The following MAGEA11 variants were observed in gnomAD, a reference collection of about 807,000 sequenced individuals.
The protein encoded by MAGEA11 is MAGE family member A11, also known as melanoma-associated antigen 11.
MAGEA11 carries 1 observed loss-of-function variant against 8.4 expected under a neutral mutation model. The ratio of observed to expected loss-of-function variants is 0.12; its 90% CI spans 0.04 to 0.57. The LOEUF (loss-of-function observed/expected upper bound fraction) is 0.57, where lower values mean the gene tolerates loss of function less well. Ranked by LOEUF, MAGEA11 falls within the 20% of genes least tolerant of loss-of-function variation. The pLI is 0.91. For synonymous variants in MAGEA11, 127 were observed against 119.3 expected, an observed-to-expected ratio of 1.06 and a Z score of -0.42; for missense variants, 209 against 317.3, an observed-to-expected ratio of 0.66 and a Z score of 2.59.
upstream of MAGEA11, among the ~76,000 whole-genome samples, chrX:149,709,894 G>A (rs1474006804): frequency 8.9e-6 from 1 of 111,813 alleles, no homozygotes; most frequent in Non-Finnish European, 1.9e-5. Context: ...TTCATGTCAG[G>A]CACAGGTCAT....
At chrX:149,712,010 C>T, upstream of MAGEA11, 10 of 751,424 alleles carry the variant, frequency 1.3e-5, no homozygotes, top group South Asian at 5.4e-4. Context: ...GGGTTCGCTC[C>T]TGCTGTAAAT....
At chrX:149,711,781 C>T (rs1360197943), upstream of MAGEA11, 1 of 749,048 alleles carries the variant, frequency 1.3e-6, no homozygotes, top group Non-Finnish European at 1.6e-6. Flanking sequence ...GAGTCAGAGA[C>T]TTGGTCCGAG....
At chrX:149,706,253 G>T (rs1273592661) in intron 1 of MAGEA11, among the ~76,000 whole-genome samples, 1 of 111,784 alleles carries the variant, frequency 8.9e-6, no homozygotes, top group African/African-American at 3.3e-5. Flanking sequence ...AGGATATTCT[G>T]GGACCTGGAG....
chrX:149,713,031 G>T lies in MAGEA11; in HGVS notation c.-17-112G>T, dbSNP rs782303239. The stretch of plus-strand genomic sequence containing the variant: ...CTAGGGGGAGCACAGACAGGGCTCA[G>T]TCCCTGCTGGGAGGTGAGCAAGGCC... On this transcript the variant is annotated intron_variant, in intron 1 of 4. Transcript: ENST00000355220. 1.5e-4 allele frequency: 74 copies of T among 488,818 alleles called. No individual in the cohort carries two copies. The East Asian group carries it at 2.8e-3, about 18-fold the overall frequency. The allele number at this position is 488,818 out of a possible 1,213,427, so 40.3% of individuals were successfully genotyped here.
In MAGEA11 at chrX:149,712,175, G is replaced by A. The variant is rs2090404715; in HGVS notation, c.-18+13G>A. On this transcript the variant is annotated intron_variant, in intron 1 of 4. Transcript: ENST00000355220. The stretch of plus-strand genomic sequence containing the variant: ...ATGAGGAGGCAAGGTGAGAGCTGAG[G>A]GAGGACTGAGGAGTCCTCCTACCCA... 1.3e-6 allele frequency: 1 copy of A among 742,385 alleles called. No homozygotes were observed. The highest frequency in any genetic ancestry group is 2.4e-5 in the African/African-American group (1 of 42,180). The allele number at this position is 742,385 out of a possible 1,213,427, so 61.2% of individuals were successfully genotyped here. A position where few individuals can be genotyped will look rare whatever the true frequency, so the allele number is the denominator to read the frequency against.
In MAGEA11 at chrX:149,690,614, A is replaced by G. The variant is rs190438160; in HGVS notation, c.9+1630A>G. 2.7e-5 allele frequency among the ~76,000 whole-genome samples: 3 copies of G among 112,846 alleles called. No individual in the cohort carries two copies. The East Asian group carries it at 8.3e-4, about 31-fold the overall frequency. On this transcript the variant is annotated intron_variant, in intron 1 of 3. Coordinates refer to the MAGEA11 transcript ENST00000333104. ...TTACATATGTTGTAAGCCACATCAT[A>G]CATTGCTATTTTTAACTTAATACCT...
intron 1 of MAGEA11, among the ~76,000 whole-genome samples, chrX:149,691,837 T>C (rs1280492087): frequency 8.9e-6 from 1 of 112,920 alleles, no homozygotes; most frequent in Non-Finnish European, 1.9e-5. Context: ...GGCAGTAAGC[T>C]AAGGAAATTT....
chrX:149,712,970 T>G (rs2090409089), intron 1 of MAGEA11, among the ~76,000 whole-genome samples, 173 bp from the exon 2 acceptor site: 1 of 111,964 alleles, frequency 8.9e-6, no homozygotes, highest in African/African-American at 3.3e-5. Flanking sequence ...CATCCTGGGC[T>G]GACAGAGGGA....
Position 149,716,981 on chromosome X carries a change from G to A in MAGEA11, c.*205G>A, listed in dbSNP as rs145852937. ...ACTGCCTTTAGGTTTCTCTTCCATC[G>A]GGTGACTTGGAGATTTCTTTTTGTT... On this transcript the variant is annotated 3_prime_UTR_variant, in exon 5 of 5. Transcript: ENST00000355220. 9.1e-5 allele frequency: 32 copies of A among 349,811 alleles called. No homozygotes were observed. Among genetic ancestry groups the A allele is most frequent in the African/African-American group, 4.7e-4 (18 of 38,451 alleles). The allele number at this position is 349,811 out of a possible 1,213,427, so 28.8% of individuals were successfully genotyped here.
upstream of MAGEA11, chrX:149,688,792 G>C: frequency 3.3e-6 from 1 of 301,048 alleles, no homozygotes; most frequent in Non-Finnish European, 6.3e-6. Context: ...CTGGCTGCCT[G>C]AGTCATTCTC....
At chrX:149,704,257 A>G (rs1182086148) in intron 1 of MAGEA11, among the ~76,000 whole-genome samples, 1 of 112,261 alleles carries the variant, frequency 8.9e-6, no homozygotes, top group Non-Finnish European at 1.9e-5. Flanking sequence ...AAGATGGACA[A>G]GTTTCTGCAT....
intron 1 of MAGEA11, among the ~76,000 whole-genome samples, chrX:149,697,427 G>C (rs942346655): frequency 9.0e-6 from 1 of 111,129 alleles, no homozygotes; most frequent in African/African-American, 3.3e-5. Flanking sequence ...CAGGCCAGCG[G>C]CAGCCCCATT....
intron 1 of MAGEA11, 111 bp downstream of exon 1, chrX:149,712,273 G>C (rs1241388043): frequency 1.1e-4 from 35 of 313,293 alleles, no homozygotes; most frequent in Admixed American, 6.5e-4. Context: ...AAATTATCAG[G>C]CTGAGACAAT....
At chrX:149,699,967 G>A (rs1164036628) in intron 1 of MAGEA11, among the ~76,000 whole-genome samples, 1 of 111,576 alleles carries the variant, frequency 9.0e-6, no homozygotes, top group African/African-American at 3.3e-5. Flanking sequence ...GAGGGTTTGC[G>A]CAAATGAGGA....
Position 149,717,206 on chromosome X carries a change from GAACTT to G in MAGEA11, c.*434_*438del, listed in dbSNP as rs1207292176. The G allele has an allele frequency of 5.9e-5, 7 of 118,452 alleles. No individual in the cohort carries two copies. Among genetic ancestry groups the G allele is most frequent in the Non-Finnish European group, 1.2e-4 (7 of 57,641 alleles). The allele number at this position is 118,452 out of a possible 1,213,427, so 9.8% of individuals were successfully genotyped here. A position where few individuals can be genotyped will look rare whatever the true frequency, so the allele number is the denominator to read the frequency against. On this transcript the variant is annotated 3_prime_UTR_variant, in exon 5 of 5. Coordinates refer to ENST00000355220, the MANE Select transcript of MAGEA11 (RefSeq NM_005366.5). ...ATAGGTATTTTCTTGGAGAATGTAA[GAACTT>G]AACAATAAAGCTGAACTGGTGTTGT...
intron 1 of MAGEA11, among the ~76,000 whole-genome samples, chrX:149,702,532 C>G (rs2090358931): frequency 9.0e-6 from 1 of 110,938 alleles, no homozygotes; most frequent in South Asian, 3.8e-4. Context: ...TTCCCATATA[C>G]TTACTTTCAT....
chrX:149,695,965 T>G (rs2090328938), intron 1 of MAGEA11, among the ~76,000 whole-genome samples: 1 of 111,294 alleles, frequency 9.0e-6, no homozygotes, highest in Non-Finnish European at 1.9e-5. Flanking sequence ...ACAGACTCCC[T>G]GAGGCAGAGG....
Position 149,716,482 on chromosome X carries a change from G to T in MAGEA11, c.996G>T (p.Glu332Asp), listed in dbSNP as rs782185416. ...TGGAGGGGAACTGCATCCCTGAAGA[G>T]GTTATGTGGGAAGTCCTGAGCATTA... is the stretch of plus-strand genomic sequence containing the variant. Reference protein sequence around the residue: ...IFMEGNCIPEEVMWEVLSIMG... With the variant: ...IFMEGNCIPEDVMWEVLSIMG... The change falls in exon 5 of 5, where the codon GAG becomes GAT. Residue 332 changes from glutamate (E) to aspartate (D), a missense_variant. This residue lies in a region of MAGEA11 where 78 missense variants were observed against 178.8 expected (regional missense o/e 0.44). Transcript: ENST00000355220. 1.7e-6 allele frequency: 2 copies of T among 1,211,802 alleles called. No homozygotes were observed. Among genetic ancestry groups the T allele is most frequent in the Non-Finnish European group, 2.2e-6 (2 of 895,452 alleles).
At chrX:149,689,644 T>C (rs1261930647) in intron 1 of MAGEA11, among the ~76,000 whole-genome samples, 7 of 112,413 alleles carry the variant, frequency 6.2e-5, no homozygotes, top group African/African-American at 2.3e-4. Context: ...GAAAGCCCTG[T>C]GCTAGAAGAC....
Sources: allele counts gnomAD v4.1 joint callset (sites outside exome capture counted in the v4.1 genomes callset), GRCh38; gene constraint gnomAD v4.1.1; regional missense constraint gnomAD v4.1.1; transcripts MANE v1.5; gene names NCBI Gene and HGNC (gene_info 2026-07-23, HGNC 2026-07-21).